Variants in YY1AP1 observed in about 807,000 individuals in gnomAD.
YY1AP1 encodes YY1 associated protein 1.
Under a neutral mutation model 39.9 loss-of-function variants are expected in YY1AP1, and 43 were observed. That is an observed-to-expected ratio of 1.08 (90% CI 0.84 to 1.39). YY1AP1 has a LOEUF of 1.39. YY1AP1 is among the 40% of genes most tolerant of loss of function. The pLI is 0.00. For missense variants in YY1AP1, 813 were observed against 900.7 expected, an observed-to-expected ratio of 0.90 and a Z score of 1.25; for synonymous variants, 292 against 331.3, an observed-to-expected ratio of 0.88 and a Z score of 1.29.
At chr1:155,665,786 A>G (rs1404210100) in intron 9 of YY1AP1, among the ~76,000 whole-genome samples, 2 of 124,734 alleles carry the variant, frequency 1.6e-5, no homozygotes, top group Non-Finnish European at 3.0e-5. Flanking sequence ...CTGTGTCTCA[A>G]AAAAAAAAAA....
At position 155,660,323 on chromosome 1, in the gene YY1AP1, T is replaced by C. The variant is rs1472787256; in HGVS notation, c.1587A>G (p.Arg529=). Residue 529 remains arginine (R), a synonymous_variant, in exon 11 of 11, where the codon AGA becomes AGG. Coordinates refer to ENST00000355499, the MANE Select transcript of YY1AP1 (RefSeq NM_139119.3). ...SMFRKPYVRR[R]PSKRRGARAF... ...CCCTGGCTCCCCTTCTTTTTGAGGG[T>C]CTCCGTCTCACATATGGCTTTCGAA... is the stretch of plus-strand genomic sequence containing the variant. 6.2e-7 allele frequency: 1 copy of C among 1,613,858 alleles called. No individual in the cohort carries two copies. The highest frequency in any genetic ancestry group is 1.3e-5 in the African/African-American group (1 of 74,854).
rs181880254 is a variant in YY1AP1 at position 155,674,999 on chromosome 1, T to G, written c.411+11A>C. The G allele has an allele frequency of 2.5e-6, 4 of 1,610,382 alleles. No individual in the cohort carries two copies. Among genetic ancestry groups the G allele is most frequent in the Non-Finnish European group, 3.4e-6 (4 of 1,176,806 alleles). ...TCTAGTCTATAGAATTACGGCAATT[T>G]GGAAACTTACAAGACATATCCTGGT... is the stretch of plus-strand genomic sequence containing the variant. On this transcript the variant is annotated intron_variant, in intron 6 of 10. Coordinates refer to ENST00000355499, the MANE Select transcript of YY1AP1 (RefSeq NM_139119.3).
intron 6 of YY1AP1, 179 bp downstream of exon 6, chr1:155,674,831 A>G (rs1404413731): frequency 7.5e-6 from 4 of 535,654 alleles, no homozygotes; most frequent in Non-Finnish European, 1.3e-5. Flanking sequence ...GTCTCAAAAA[A>G]GAAAAGAAAA....
chr1:155,676,646 T>C lies in YY1AP1; in HGVS notation c.226A>G (p.Lys76Glu), dbSNP rs1260044925. 1.2e-6 allele frequency: 2 copies of C among 1,614,198 alleles called. No individual in the cohort carries two copies. Among genetic ancestry groups the C allele is most frequent in the Admixed American group, 1.7e-5 (1 of 60,010 alleles). The change falls in exon 5 of 11, where the codon AAG (lysine) becomes GAG (glutamate). Residue 76 changes from lysine to glutamate, a missense_variant. Physicochemically the swap from Lys to Glu is moderately conservative, Grantham distance 56. Coordinates refer to ENST00000355499, the MANE Select transcript of YY1AP1 (RefSeq NM_139119.3). ...KMKKPSAKQQ[K>E]EVEKVKPQCK... ...TGGGGTTTAACCTTCTCTACCTCCT[T>C]CTGCTGTTTGGCTGAAGGTTTCTTC...
intron 2 of YY1AP1, among the ~76,000 whole-genome samples, chr1:155,687,618 G>T (rs402419): frequency 0.044 from 5,896 of 134,714 alleles, 834 homozygotes; most frequent in African/African-American, 0.22. Context: ...TTTATTAAAC[G>T]TACAACACTG....
intron 9 of YY1AP1, among the ~76,000 whole-genome samples, chr1:155,663,748 A>T (rs1648526720): frequency 6.7e-6 from 1 of 149,768 alleles, no homozygotes; most frequent in Non-Finnish European, 1.5e-5. Flanking sequence ...AAACAAAAAG[A>T]AAGTACTTTT....
chr1:155,688,636 C>A (rs1653099775), intron 1 of YY1AP1, 23 bp downstream of exon 1: 2 of 1,534,484 alleles, frequency 1.3e-6, no homozygotes. Context: ...CAAGCCGGCT[C>A]CAGCGCAGGC....
chr1:155,659,596 T>G lies in YY1AP1; in HGVS notation c.*61A>C, dbSNP rs1050769749. The G allele has an allele frequency of 6.3e-7, 1 of 1,584,660 alleles. No homozygotes were observed. The highest frequency in any genetic ancestry group is 8.6e-7 in the Non-Finnish European group (1 of 1,159,074). ...GGGGTTTCCTATTGGTTACACCCTA[T>G]GCGCCACCAATCGGAGGCCGAAGTG... On this transcript the variant is annotated 3_prime_UTR_variant, in exon 11 of 11. Coordinates refer to ENST00000355499, the MANE Select transcript of YY1AP1 (RefSeq NM_139119.3).
chr1:155,684,570 C>CTTTTTTTT (rs539654881), intron 2 of YY1AP1, among the ~76,000 whole-genome samples: 1 of 137,214 alleles, frequency 7.3e-6, no homozygotes. Context: ...ACATTTCTTG[C>CTTTTTTTT]TTTTTTTTTT....
intron 2 of YY1AP1, among the ~76,000 whole-genome samples, chr1:155,684,659 C>T (rs1249324227): frequency 6.6e-6 from 1 of 151,944 alleles, no homozygotes; most frequent in Non-Finnish European, 1.5e-5. Context: ...CAACTTCCCC[C>T]TCCCAGTTCA....
At chr1:155,662,514 AAAG>A (rs1452707092) in intron 9 of YY1AP1, among the ~76,000 whole-genome samples, 9 of 141,668 alleles carry the variant, frequency 6.4e-5, no homozygotes, top group East Asian at 4.6e-4. Context: ...AAAAAAAAAA[AAAG>A]AAGATAAGAA....
rs767978081 is a variant in YY1AP1 at position 155,672,622 on chromosome 1, A to C, written c.521T>G (p.Ile174Ser). The C allele has an allele frequency of 6.2e-7, 1 of 1,613,464 alleles. No homozygotes were observed. The highest frequency in any genetic ancestry group is 8.5e-7 in the Non-Finnish European group (1 of 1,179,388). ...GCTGACATGTGTGCTGAAGTCTTCA[A>C]TCAGCTGCATAGCTCCCATCAAGTT... ...PCNLMGAMQL[I>S]EDFSTHVSID... The change falls in exon 7 of 11, where the codon ATT becomes AGT. Residue 174 changes from isoleucine to serine, a missense_variant. Around this residue, in one of 3 missense-constraint regions of YY1AP1, gnomAD observed 31 missense variants for 63.7 expected, o/e 0.49. Transcript: ENST00000355499.
intron 7 of YY1AP1, among the ~76,000 whole-genome samples, chr1:155,671,444 A>C (rs1558307130): frequency 6.6e-6 from 1 of 151,736 alleles, no homozygotes; most frequent in African/African-American, 2.4e-5. Context: ...AAAAAAAAAA[A>C]GAAAAAAGAT....
chr1:155,685,651 A>T (rs542746661), intron 2 of YY1AP1, among the ~76,000 whole-genome samples: 23 of 152,342 alleles, frequency 1.5e-4, no homozygotes, highest in Admixed American at 7.8e-4. Flanking sequence ...TCCTGTCAAC[A>T]TGTTCAAATA....
Position 155,688,095 on chromosome 1 carries a change from G to C in YY1AP1, c.-45C>G, listed in dbSNP as rs1318558167. 4 of 1,601,724 alleles carry C rather than the reference G, an allele frequency of 2.5e-6. No homozygotes were observed. Among genetic ancestry groups the C allele is most frequent in the East Asian group, 2.2e-5 (1 of 44,634 alleles). On this transcript the variant is annotated 5_prime_UTR_variant, in exon 2 of 11. Coordinates refer to ENST00000355499, the MANE Select transcript of YY1AP1 (RefSeq NM_139119.3). ...CCGTGTCGGAGGCCGAGAGCGATGA[G>C]AGTACAGGGAAGTGAGGAAGAGGGG...
intron 2 of YY1AP1, among the ~76,000 whole-genome samples, chr1:155,685,307 C>T (rs1571368976): frequency 1.3e-5 from 2 of 152,192 alleles, no homozygotes; most frequent in South Asian, 4.1e-4. Flanking sequence ...GCCACTATCA[C>T]ACAATTCACA....
chr1:155,688,840 G>T (rs1653190679), upstream of YY1AP1: 2 of 1,587,508 alleles, frequency 1.3e-6, no homozygotes, highest in Admixed American at 1.8e-5. Context: ...CGGCTGCAGG[G>T]GCAGGAGAGG....
At chr1:155,661,038 T>C in intron 10 of YY1AP1, 125 bp from the exon 11 acceptor site, 1 of 1,531,788 alleles carries the variant, frequency 6.5e-7, no homozygotes. Context: ...GCATATGAAA[T>C]TTCTACAAAG....
rs765862640 is a variant in YY1AP1 at position 155,676,518 on chromosome 1, C to T, written c.324+30G>A. On this transcript the variant is annotated intron_variant, in intron 5 of 10. Transcript: ENST00000355499. The stretch of plus-strand genomic sequence containing the variant: ...CTCAGAGTTAGGCCTTGGTATAATT[C>T]AATATTAATATGACCAAGGAAAGTG... 5.6e-6 allele frequency: 9 copies of T among 1,612,658 alleles called. No homozygotes were observed. The South Asian group carries it at 6.6e-5, about 12-fold the overall frequency.
Sources: gnomAD v4.1 joint callset for allele counts (sites outside exome capture counted in the v4.1 genomes callset) on GRCh38, gnomAD v4.1.1 for gene constraint, gnomAD v4.1.1 regional missense constraint, MANE v1.5 for transcripts, NCBI Gene and HGNC (gene_info 2026-07-23, HGNC 2026-07-21) for gene names.